The following NEDD4L variants were observed in gnomAD, a reference collection of about 807,000 sequenced individuals.
The protein encoded by NEDD4L is E3 ubiquitin-protein ligase NEDD4-like.
NEDD4L carries 54 observed loss-of-function variants against 148.9 expected under a neutral mutation model. The ratio of observed to expected loss-of-function variants is 0.36; its 90% CI spans 0.29 to 0.45. The LOEUF is 0.45. Ranked by LOEUF, NEDD4L falls within the 20% of genes least tolerant of loss-of-function variation. The probability of loss-of-function intolerance (pLI) is 1.00; values close to 1 mark genes in which losing one functional copy is unlikely to be tolerated. For synonymous variants in NEDD4L, 433 were observed against 440.7 expected (o/e 0.98, Z 0.22); for missense variants, 856 against 1,233.8 (o/e 0.69, Z 4.59).
intron 1 of NEDD4L, among the ~76,000 whole-genome samples, chr18:58,057,264 T>TA (rs1212389338): frequency 1.1e-4 from 17 of 151,772 alleles, no homozygotes; most frequent in African/African-American, 2.2e-4. Flanking sequence ...TTTTTTTTTT[T>TA]TAATTATCTG....
At chr18:58,223,562 A>G (rs2147975680) in intron 2 of NEDD4L, among the ~76,000 whole-genome samples, 1 of 151,864 alleles carries the variant, frequency 6.6e-6, no homozygotes, top group African/African-American at 2.4e-5. Context: ...GGCAATGTTT[A>G]TTTTTTCAGC....
At chr18:58,322,005 C>T (rs571652861) in intron 6 of NEDD4L, among the ~76,000 whole-genome samples, 2 of 152,152 alleles carry the variant, frequency 1.3e-5, no homozygotes, top group Admixed American at 6.5e-5. Context: ...GATTTTAATA[C>T]AAAAAACAAA....
In NEDD4L at chr18:58,165,864, A is replaced by G. The variant is rs2036786477; in HGVS notation, c.122+3A>G. The G allele has an allele frequency of 1.9e-6, 3 of 1,601,978 alleles. No individual in the cohort carries two copies. Among genetic ancestry groups the G allele is most frequent in the East Asian group, 2.2e-5 (1 of 44,774 alleles). ...AAAAAGGACATCTTTGGAGCCAGGT[A>G]TGTTGGCTTTGTTTTTATTTCTGTG... On this transcript the variant is annotated splice_donor_region_variant and intron_variant, in intron 2 of 30. Transcript: ENST00000400345.
At chr18:58,354,702 T>C (rs1446758261) in intron 18 of NEDD4L, among the ~76,000 whole-genome samples, 2 of 152,192 alleles carry the variant, frequency 1.3e-5, no homozygotes, top group Non-Finnish European at 2.9e-5. Context: ...GTCCCTGTCC[T>C]TGGGGAGGTT....
chr18:58,154,441 C>G (rs902994598), intron 1 of NEDD4L, among the ~76,000 whole-genome samples: 2 of 152,314 alleles, frequency 1.3e-5, no homozygotes, highest in African/African-American at 4.8e-5. Context: ...CCCAGTGAAG[C>G]TCAGATGTTG....
chr18:58,246,600 G>A (rs1375304504), intron 3 of NEDD4L, among the ~76,000 whole-genome samples: 1 of 152,102 alleles, frequency 6.6e-6, no homozygotes, highest in African/African-American at 2.4e-5. Flanking sequence ...GAGTAGCTGA[G>A]ATTACAAGTG....
chr18:58,048,647 G>A (rs1260853114), intron 1 of NEDD4L, among the ~76,000 whole-genome samples: 1 of 152,170 alleles, frequency 6.6e-6, no homozygotes, highest in Non-Finnish European at 1.5e-5. Context: ...AACACCACTG[G>A]TTGCAAACTG....
intron 5 of NEDD4L, among the ~76,000 whole-genome samples, chr18:58,304,975 C>T (rs1377094857): frequency 6.6e-6 from 1 of 152,208 alleles, no homozygotes; most frequent in Non-Finnish European, 1.5e-5. Flanking sequence ...GTGCTTTGTG[C>T]ACCTGTGAAT....
At chr18:58,266,831 G>C (rs554769381) in intron 5 of NEDD4L, among the ~76,000 whole-genome samples, 3 of 152,090 alleles carry the variant, frequency 2.0e-5, no homozygotes, top group African/African-American at 7.2e-5. Context: ...CTTGTGTTTT[G>C]AAGTGTTGGA....
At position 58,399,278 on chromosome 18, in the gene NEDD4L, G is replaced by C. The variant is rs1255232189; in HGVS notation, c.*3009G>C. 5 of 152,192 alleles carry C rather than the reference G, an allele frequency of 3.3e-5. No individual in the cohort carries two copies. The highest frequency in any genetic ancestry group is 1.2e-4 in the African/African-American group (5 of 41,432). 9.4% of individuals were successfully genotyped at this position (152,192 alleles called of 1,614,324 possible). A position where few individuals can be genotyped will look rare whatever the true frequency, so the allele number is the denominator to read the frequency against. On this transcript the variant is annotated 3_prime_UTR_variant, in exon 31 of 31. Transcript: ENST00000400345. The stretch of plus-strand genomic sequence containing the variant: ...TTGTCTGTGTTGCGGTGTATTCCCA[G>C]CTTCAGTGCTCTTTTCCTTTTTGCC...
At chr18:58,260,448 T>G (rs2049212327) in intron 5 of NEDD4L, among the ~76,000 whole-genome samples, 1 of 152,240 alleles carries the variant, frequency 6.6e-6, no homozygotes, top group Non-Finnish European at 1.5e-5. Context: ...AGCTCATGTT[T>G]CTGTAGCACT....
intron 30 of NEDD4L, among the ~76,000 whole-genome samples, chr18:58,395,260 A>G (rs1018213690): frequency 2.6e-5 from 4 of 152,174 alleles, no homozygotes; most frequent in Non-Finnish European, 5.9e-5. Flanking sequence ...ACAGAGGTGC[A>G]GGTTCTGTGG....
Position 58,316,042 on chromosome 18 carries a change from G to T in NEDD4L, c.348+10G>T, listed in dbSNP as rs371368723. On this transcript the variant is annotated intron_variant, in intron 6 of 30. Coordinates refer to ENST00000400345, the MANE Select transcript of NEDD4L (RefSeq NM_001144967.3). The stretch of plus-strand genomic sequence containing the variant: ...CCTTAGTCACCTTCCGGTAAGGACA[G>T]TCTCATGTTTGATGCTTCGTGCTGG... 309 of 1,610,736 alleles carry T rather than the reference G, an allele frequency of 1.9e-4. No homozygotes were observed. The highest frequency in any genetic ancestry group is 2.5e-4 in the Non-Finnish European group (294 of 1,177,030).
intron 25 of NEDD4L, 65 bp downstream of exon 25, chr18:58,383,384 CT>C (rs2048593483): frequency 1.1e-6 from 1 of 877,244 alleles, no homozygotes; most frequent in Non-Finnish European, 1.8e-6. Flanking sequence ...GTCACTGTCC[CT>C]TGCTGAAACA....
At chr18:58,053,469 C>T (rs9989619) in intron 1 of NEDD4L, among the ~76,000 whole-genome samples, 137,389 of 152,108 alleles carry the variant, frequency 0.9, 62,130 homozygotes, top group East Asian at 1. Context: ...CCACCACGCC[C>T]GGCTAATTTT....
intron 5 of NEDD4L, among the ~76,000 whole-genome samples, chr18:58,305,122 G>A (rs2056919724): frequency 6.6e-6 from 1 of 152,170 alleles, no homozygotes. Flanking sequence ...ATATGTAAAT[G>A]GGCCCAGCGA....
chr18:58,230,892 T>G (rs1289022734), intron 2 of NEDD4L, among the ~76,000 whole-genome samples: 1 of 152,146 alleles, frequency 6.6e-6, no homozygotes, highest in East Asian at 1.9e-4. Flanking sequence ...GCGTAAGACA[T>G]GGACAGTGGC....
chr18:58,137,542 C>G (rs190214770), intron 1 of NEDD4L, among the ~76,000 whole-genome samples: 2 of 152,100 alleles, frequency 1.3e-5, no homozygotes, highest in East Asian at 3.9e-4. Context: ...GAGGAAAAGT[C>G]GCCGAGCCCA....
At chr18:58,301,344 G>C (rs1346543439) in intron 5 of NEDD4L, among the ~76,000 whole-genome samples, 1 of 152,142 alleles carries the variant, frequency 6.6e-6, no homozygotes, top group African/African-American at 2.4e-5. Context: ...TGGGCGCTTT[G>C]ATCAATGGGA....
Sources: allele counts gnomAD v4.1 joint callset (sites outside exome capture counted in the v4.1 genomes callset), GRCh38; gene constraint gnomAD v4.1.1; transcripts MANE v1.5; gene names NCBI Gene and HGNC (gene_info 2026-07-23, HGNC 2026-07-21).